The following MPHOSPH9 variants were observed in gnomAD, a reference collection of about 807,000 sequenced individuals.
MPHOSPH9 encodes M-phase phosphoprotein 9.
In MPHOSPH9, 88 loss-of-function variants were observed where a neutral mutation model predicts 145.5. That is an observed-to-expected ratio of 0.60 (90% CI 0.51 to 0.72). MPHOSPH9 has a LOEUF of 0.72. Ranked by LOEUF, MPHOSPH9 falls within the 30% of genes least tolerant of loss-of-function variation. The pLI is 0.00. For missense variants in MPHOSPH9, 1,238 were observed against 1,386.6 expected (o/e 0.89, Z 1.70); for synonymous variants, 435 against 486.2 (o/e 0.89, Z 1.39).
chr12:123,162,978 A>G (rs1302642485), intron 20 of MPHOSPH9, 36 bp downstream of exon 20: 2 of 1,519,392 alleles, frequency 1.3e-6, no homozygotes, highest in Non-Finnish European at 1.8e-6. Flanking sequence ...AATCACTAAT[A>G]TAGTAAACTT....
rs2046286686 is a variant in MPHOSPH9, at chr12:123,202,994, T to G, written c.1411A>C (p.Arg471=). Residue 471 remains arginine, a synonymous_variant, in exon 10 of 24, where the codon AGA becomes CGA. Transcript: ENST00000606320. ...PHGLPNALDD[R]ISFSPDSVLE... is the part of the protein sequence containing the mutation. ...ACAGAGTCCGGGGAAAAGGATATTC[T>G]GTCATCAAGGGCATTCGGAAGGCCG... The G allele has an allele frequency of 1.2e-6, 2 of 1,614,092 alleles. No individual in the cohort carries two copies. Among genetic ancestry groups the G allele is most frequent in the African/African-American group, 2.7e-5 (2 of 74,922 alleles).
intron 13 of MPHOSPH9, among the ~76,000 whole-genome samples, chr12:123,193,092 A>T (rs1173654698): frequency 0.053 from 3,204 of 60,112 alleles, 105 homozygotes; most frequent in South Asian, 0.088. Context: ...AAAAAAAAAA[A>T]AAAAATATAT....
intron 9 of MPHOSPH9, 29 bp from the exon 10 acceptor site, chr12:123,203,113 C>T (rs767774970): frequency 6.3e-7 from 1 of 1,596,946 alleles, no homozygotes; most frequent in South Asian, 1.1e-5. Flanking sequence ...CGAAGTCTTA[C>T]CCTCAGAACT....
intron 16 of MPHOSPH9, among the ~76,000 whole-genome samples, chr12:123,171,227 G>A (rs2044564725): frequency 6.6e-6 from 1 of 152,162 alleles, no homozygotes; most frequent in South Asian, 2.1e-4. Flanking sequence ...GCTGAGGCGG[G>A]CGGATCACTT....
intron 16 of MPHOSPH9, among the ~76,000 whole-genome samples, chr12:123,169,455 C>T (rs1593082012): frequency 6.6e-6 from 1 of 150,836 alleles, no homozygotes; most frequent in African/African-American, 2.4e-5. Context: ...GCCGAGATTG[C>T]ACCACTGCAC....
chr12:123,226,521 C>CT (rs200868180), intron 3 of MPHOSPH9, among the ~76,000 whole-genome samples: 6,979 of 144,902 alleles, frequency 0.048, 168 homozygotes, highest in South Asian at 0.12. Flanking sequence ...TTTATATATA[C>CT]TTTTTTTTTT....
intron 3 of MPHOSPH9, among the ~76,000 whole-genome samples, chr12:123,225,062 T>C (rs2047380919): frequency 6.6e-6 from 1 of 152,204 alleles, no homozygotes; most frequent in African/African-American, 2.4e-5. Context: ...ATATTGATTT[T>C]TTAAAGCGGG....
chr12:123,167,227 C>A (rs1245108252), intron 16 of MPHOSPH9, among the ~76,000 whole-genome samples: 6 of 152,210 alleles, frequency 3.9e-5, no homozygotes, highest in African/African-American at 1.4e-4. Context: ...TCAGGTGTCA[C>A]TACTGAACAC....
At chr12:123,171,700 G>A (rs779225795) in intron 16 of MPHOSPH9, among the ~76,000 whole-genome samples, 4 of 152,036 alleles carry the variant, frequency 2.6e-5, no homozygotes, top group Non-Finnish European at 5.9e-5. Context: ...AGTGAGCCGA[G>A]ATTGTGCCAC....
chr12:123,171,565 A>G (rs780457163), intron 16 of MPHOSPH9, among the ~76,000 whole-genome samples: 6 of 152,186 alleles, frequency 3.9e-5, no homozygotes, highest in Non-Finnish European at 8.8e-5. Context: ...CTTGGCTGAC[A>G]TGGCAAAACC....
At chr12:123,160,756 G>T (rs1478911539) in intron 23 of MPHOSPH9, 25 bp downstream of exon 23, 1 of 1,607,462 alleles carries the variant, frequency 6.2e-7, no homozygotes, top group Admixed American at 1.7e-5. Context: ...AGCCTCTAAA[G>T]CAGATTCAAG....
intron 3 of MPHOSPH9, among the ~76,000 whole-genome samples, chr12:123,227,102 A>G (rs544633875): frequency 2.6e-5 from 4 of 152,334 alleles, no homozygotes; most frequent in African/African-American, 7.2e-5. Flanking sequence ...AAAATATTTC[A>G]AAGTGGATTT....
chr12:123,216,053 C>T (rs777117121), intron 6 of MPHOSPH9, among the ~76,000 whole-genome samples: 56 of 152,112 alleles, frequency 3.7e-4, no homozygotes, highest in African/African-American at 9.7e-4. Context: ...CTGGCTAACA[C>T]GGTGAAACCC....
At chr12:123,163,165 TTTCC>T in intron 19 of MPHOSPH9, 31 bp from the exon 20 acceptor site, 1 of 1,552,440 alleles carries the variant, frequency 6.4e-7, no homozygotes, top group Admixed American at 2.2e-5. Context: ...GAAATATTCT[TTTCC>T]TTCTATATGT....
intron 8 of MPHOSPH9, among the ~76,000 whole-genome samples, chr12:123,207,349 C>A (rs1235801818): frequency 6.6e-6 from 1 of 151,752 alleles, no homozygotes; most frequent in Non-Finnish European, 1.5e-5. Context: ...TACAATCTTA[C>A]CCCCCTCATA....
At chr12:123,192,330 T>C (rs1333896541) in intron 13 of MPHOSPH9, among the ~76,000 whole-genome samples, 1 of 151,626 alleles carries the variant, frequency 6.6e-6, no homozygotes, top group Non-Finnish European at 1.5e-5. Context: ...GGCGTGCACC[T>C]GTAATCCCAG....
At chr12:123,191,370 A>G (rs560208085) in intron 13 of MPHOSPH9, among the ~76,000 whole-genome samples, 5 of 152,272 alleles carry the variant, frequency 3.3e-5, no homozygotes, top group African/African-American at 1.2e-4. Flanking sequence ...AGTAGCAATG[A>G]ACATACTCAG....
At position 123,203,095 on chromosome 12, in the gene MPHOSPH9, G is replaced by C; in HGVS notation, c.1321-11C>G. The C allele has an allele frequency of 6.2e-7, 1 of 1,606,196 alleles. No homozygotes were observed. Among genetic ancestry groups the C allele is most frequent in the Non-Finnish European group, 8.5e-7 (1 of 1,176,794 alleles). On this transcript the variant is annotated splice_polypyrimidine_tract_variant and intron_variant, in intron 9 of 23. Coordinates refer to ENST00000606320, the MANE Select transcript of MPHOSPH9 (RefSeq NM_022782.4). ...ATCTAGAGTCAGGACCTGGAAACCAGACAACAACGAAGTCTTACCCTCAGA... is the reference window on the plus strand; with the variant it reads ...ATCTAGAGTCAGGACCTGGAAACCACACAACAACGAAGTCTTACCCTCAGA...
chr12:123,241,372 T>C (rs2053107742), intron 1 of MPHOSPH9, among the ~76,000 whole-genome samples: 1 of 151,954 alleles, frequency 6.6e-6, no homozygotes, highest in African/African-American at 2.4e-5. Flanking sequence ...GCTCCTTCAG[T>C]CTTCGCCCAG....
Sources: gnomAD v4.1 joint callset for allele counts (sites outside exome capture counted in the v4.1 genomes callset) on GRCh38, gnomAD v4.1.1 for gene constraint, MANE v1.5 for transcripts, NCBI Gene and HGNC (gene_info 2026-07-23, HGNC 2026-07-21) for gene names.